ARMC2: variants seen among roughly 807,000 people sequenced by gnomAD.
The protein encoded by ARMC2 is armadillo repeat containing 2.
ARMC2 carries 67 observed loss-of-function variants against 90.3 expected under a neutral mutation model. The observed-to-expected ratio is 0.74, with a 90% CI of 0.61 to 0.91. The LOEUF is 0.91. ARMC2 is among the 40% of genes least tolerant of loss of function. ARMC2 has a pLI of 0.00. For missense variants in ARMC2, 920 were observed against 1,030.9 expected (o/e 0.89, Z 1.47); for synonymous variants, 393 against 393.0 (o/e 1.00, Z 0.00).
chr6:108,879,590 TCGTC>T (rs1260014870), intron 5 of ARMC2, among the ~76,000 whole-genome samples: 3 of 119,190 alleles, frequency 2.5e-5, no homozygotes, highest in Non-Finnish European at 4.9e-5. Context: ...ACCCACCTGT[TCGTC>T]CATCCATCCA....
the ARMC2 span, among the ~76,000 whole-genome samples, chr6:109,036,203 T>G: frequency 6.6e-6 from 1 of 152,214 alleles, no homozygotes; most frequent in African/African-American, 2.4e-5. Context: ...TTAGTTTTTT[T>G]CATAGAAACA....
intron 17 of ARMC2, among the ~76,000 whole-genome samples, chr6:108,968,732 G>T (rs767455705): frequency 4.6e-5 from 7 of 152,206 alleles, no homozygotes; most frequent in Non-Finnish European, 1.0e-4. Flanking sequence ...AACAGGATGA[G>T]CTGTTGAATT....
At chr6:108,857,569 A>G (rs1774776486) in intron 2 of ARMC2, among the ~76,000 whole-genome samples, 1 of 152,234 alleles carries the variant, frequency 6.6e-6, no homozygotes, top group Admixed American at 6.5e-5. Context: ...AAGAGGGGAC[A>G]TCCTTGCCTT....
intron 17 of ARMC2, among the ~76,000 whole-genome samples, chr6:108,966,793 C>A (rs1418389541): frequency 6.6e-6 from 1 of 152,156 alleles, no homozygotes; most frequent in Non-Finnish European, 1.5e-5. Flanking sequence ...ACTAAAAACA[C>A]CTTCCTGGCC....
At chr6:108,907,476 T>A in intron 8 of ARMC2, 1 of 462,630 alleles carries the variant, frequency 2.2e-6, no homozygotes. Flanking sequence ...TTTTTTTTTT[T>A]TACCAGTCAT....
At chr6:108,870,292 G>T (rs1161515068) in intron 4 of ARMC2, among the ~76,000 whole-genome samples, 1 of 152,064 alleles carries the variant, frequency 6.6e-6, no homozygotes, top group African/African-American at 2.4e-5. Flanking sequence ...CCAGATTTAT[G>T]ACTTCTTGTG....
chr6:109,001,407 T>C, the ARMC2 span: 1 of 1,613,858 alleles, frequency 6.2e-7, no homozygotes, highest in Non-Finnish European at 8.5e-7. Flanking sequence ...ACTAACGTAA[T>C]GTTATCCAAA....
At position 108,962,086 on chromosome 6, in the gene ARMC2, C is replaced by G; in HGVS notation, c.2111C>G (p.Ser704Cys). ...LEAVRVFGNLSQDHDVCDFIV... is the reference protein window; with the variant it reads ...LEAVRVFGNLCQDHDVCDFIV... ...GCTGTGCGTGTTTTCGGAAATCTCT[C>G]CCAGGACCATGATGTCTGCGATTTC... The change falls in exon 15 of 18, where the codon TCC becomes TGC. Residue 704 changes from serine (S) to cysteine (C), a missense_variant. Transcript: ENST00000392644. The G allele has an allele frequency of 6.2e-7, 1 of 1,613,062 alleles. No individual in the cohort carries two copies. Among genetic ancestry groups the G allele is most frequent in the Non-Finnish European group, 8.5e-7 (1 of 1,179,432 alleles).
intron 6 of ARMC2, among the ~76,000 whole-genome samples, chr6:108,899,035 C>T (rs1019380981): frequency 1.3e-5 from 2 of 152,116 alleles, no homozygotes; most frequent in African/African-American, 4.8e-5. Flanking sequence ...TTTACCTATA[C>T]CATGTCTTTT....
chr6:108,923,707 T>C (rs951267351), intron 10 of ARMC2, among the ~76,000 whole-genome samples: 1 of 150,872 alleles, frequency 6.6e-6, no homozygotes, highest in African/African-American at 2.4e-5. Context: ...GTGAGATTGG[T>C]GGCTCTCAGA....
At chr6:108,963,813 T>C (rs773652329) in intron 15 of ARMC2, among the ~76,000 whole-genome samples, 2 of 152,192 alleles carry the variant, frequency 1.3e-5, no homozygotes, top group Non-Finnish European at 2.9e-5. Flanking sequence ...GGACTGTGTA[T>C]TTAAAGACAG....
At chr6:108,926,321 C>T (rs142153469) in intron 10 of ARMC2, among the ~76,000 whole-genome samples, 6 of 152,278 alleles carry the variant, frequency 3.9e-5, no homozygotes, top group African/African-American at 7.2e-5. Flanking sequence ...AGTAGTGCTC[C>T]GGTGCCTGGG....
intron 17 of ARMC2, among the ~76,000 whole-genome samples, chr6:108,972,643 A>G (rs530600597): frequency 1.2e-4 from 19 of 152,252 alleles, no homozygotes; most frequent in South Asian, 4.1e-4. Flanking sequence ...GAATTAGTTG[A>G]AATAAGGGTT....
chr6:108,917,276 C>T (rs1246618275), intron 10 of ARMC2, among the ~76,000 whole-genome samples: 1 of 152,088 alleles, frequency 6.6e-6, no homozygotes, highest in African/African-American at 2.4e-5. Flanking sequence ...GGCCCCTAAG[C>T]CTGCAGACAC....
rs199732181 is a variant in ARMC2 at position 108,953,302 on chromosome 6, G to A, written c.1866G>A (p.Pro622=). 5.3e-4 allele frequency: 859 copies of A among 1,610,424 alleles called. No homozygotes were observed. Among genetic ancestry groups the A allele is most frequent in the Non-Finnish European group, 6.8e-4 (800 of 1,179,518 alleles). The change falls in exon 13 of 18, where the codon CCG becomes CCA. Residue 622 remains proline (P), a synonymous_variant. Transcript: ENST00000392644. ...ANIAIHPGVG[P]VLAANPGIVG... ...TTGCCATCCACCCGGGCGTGGGCCC[G>A]GTGCTGGCCGCCAACCCGGGGATAG...
chr6:108,992,319 T>A, the ARMC2 span, among the ~76,000 whole-genome samples: 1 of 152,144 alleles, frequency 6.6e-6, no homozygotes, highest in Non-Finnish European at 1.5e-5. Flanking sequence ...TTTCCCCTTG[T>A]TGGCCAGGCT....
At chr6:109,047,647 T>C in the ARMC2 span, among the ~76,000 whole-genome samples, 4 of 146,248 alleles carry the variant, frequency 2.7e-5, no homozygotes, top group African/African-American at 9.9e-5. Context: ...CTTTGTGGAA[T>C]AGAAAGGGGG....
At chr6:108,876,612 T>C (rs1562341306) in intron 5 of ARMC2, among the ~76,000 whole-genome samples, 1 of 152,214 alleles carries the variant, frequency 6.6e-6, no homozygotes, top group African/African-American at 2.4e-5. Flanking sequence ...TAAGATTTAG[T>C]TGGACTATTC....
intron 4 of ARMC2, among the ~76,000 whole-genome samples, chr6:108,874,791 C>T (rs1323467846): frequency 6.6e-6 from 1 of 151,510 alleles, no homozygotes; most frequent in Non-Finnish European, 1.5e-5. Context: ...TCCCTGTGAC[C>T]TTAGACAGGA....
Sources: gnomAD v4.1 joint callset for allele counts (sites outside exome capture counted in the v4.1 genomes callset) on GRCh38, gnomAD v4.1.1 for gene constraint, MANE v1.5 for transcripts, NCBI Gene and HGNC (gene_info 2026-07-23, HGNC 2026-07-21) for gene names.